The following PIWIL1 variants were observed in gnomAD, a reference collection of about 807,000 sequenced individuals.
PIWIL1 encodes piwi like RNA-mediated gene silencing 1.
Under a neutral mutation model 114.4 loss-of-function variants are expected in PIWIL1, and 73 were observed. The ratio of observed to expected loss-of-function variants is 0.64; its 90% CI spans 0.53 to 0.78. The LOEUF is 0.78. Among genes scored for constraint, PIWIL1 ranks in the 30% least tolerant of loss-of-function variants. PIWIL1 has a pLI of 0.00. For missense variants in PIWIL1, 723 were observed against 1,063.1 expected (o/e 0.68, Z 4.45); for synonymous variants, 375 against 369.0 (o/e 1.02, Z -0.19).
intron 18 of PIWIL1, 108 bp downstream of exon 18, chr12:130,363,252 G>T: frequency 9.0e-7 from 1 of 1,117,158 alleles, no homozygotes; most frequent in South Asian, 1.4e-5. Flanking sequence ...ACTTGATAGG[G>T]ACTGTAGGGC....
At chr12:130,413,503 C>T in the PIWIL1 span, among the ~76,000 whole-genome samples, 2 of 151,814 alleles carry the variant, frequency 1.3e-5, no homozygotes, top group Non-Finnish European at 2.9e-5. Flanking sequence ...TGTGATGGCG[C>T]GCATCTGTGT....
the PIWIL1 span, chr12:130,406,368 C>G: frequency 1.6e-6 from 1 of 636,572 alleles, no homozygotes; most frequent in East Asian, 2.8e-5. Context: ...CTCTTTCAGT[C>G]AAATAAAGGT....
In PIWIL1 at chr12:130,349,320, A is replaced by T. The variant is rs562410961; in HGVS notation, c.816A>T (p.Lys272Asn). 6.2e-7 allele frequency: 1 copy of T among 1,613,906 alleles called. No individual in the cohort carries two copies. The highest frequency in any genetic ancestry group is 8.5e-7 in the Non-Finnish European group (1 of 1,179,784). Residue 272 changes from lysine to asparagine, a missense_variant, in exon 8 of 21, where the codon AAA becomes AAT. Coordinates refer to ENST00000245255, the MANE Select transcript of PIWIL1 (RefSeq NM_004764.5). ...TGCTCTGCACTGACGTTAGCCATAA[A>T]GTCCTTCGAAGTGAGACTGTTTTGG... ...SIMLCTDVSH[K>N]VLRSETVLDF...
the PIWIL1 span, chr12:130,399,868 C>T: frequency 6.3e-7 from 1 of 1,590,282 alleles, no homozygotes; most frequent in Non-Finnish European, 8.6e-7. Flanking sequence ...AAACCCACAT[C>T]TTGCTTTGGC....
downstream of PIWIL1, chr12:130,372,682 T>A (rs1017003474): frequency 7.1e-6 from 1 of 140,498 alleles, no homozygotes; most frequent in African/African-American, 2.7e-5. Context: ...CAGAGTAAAA[T>A]TTTTTAAGGA....
chr12:130,357,398 C>T (rs891331392), intron 13 of PIWIL1, 83 bp from the exon 14 acceptor site: 5 of 995,274 alleles, frequency 5.0e-6, no homozygotes, highest in African/African-American at 1.6e-5. Context: ...GGAAACGTTT[C>T]CTGTGTTACA....
At chr12:130,395,299 T>C in the PIWIL1 span, among the ~76,000 whole-genome samples, 1 of 152,202 alleles carries the variant, frequency 6.6e-6, no homozygotes, top group Admixed American at 6.5e-5. Context: ...TTTTCTCTTA[T>C]CATCACCAGA....
At chr12:130,339,061 G>A (rs1565936453) in intron 1 of PIWIL1, among the ~76,000 whole-genome samples, 2 of 152,014 alleles carry the variant, frequency 1.3e-5, no homozygotes, top group African/African-American at 2.4e-5. Context: ...CGATCTCTGC[G>A]GAGGGCGAGG....
chr12:130,399,810 C>T, the PIWIL1 span: 17 of 1,614,034 alleles, frequency 1.1e-5, no homozygotes, highest in Non-Finnish European at 1.4e-5. Context: ...CCATTCAGCT[C>T]CCCCTAAAAC....
At chr12:130,396,411 A>G in the PIWIL1 span, 7 of 152,672 alleles carry the variant, frequency 4.6e-5, no homozygotes, top group Non-Finnish European at 1.0e-4. Context: ...CAAAAGAGTA[A>G]CCATCAAATA....
At chr12:130,399,544 C>T in the PIWIL1 span, 4 of 976,100 alleles carry the variant, frequency 4.1e-6, no homozygotes, top group Non-Finnish European at 6.0e-6. Context: ...CCCATGGCTT[C>T]AGGGCAGAGA....
chr12:130,377,256 C>T (rs543242814), downstream of PIWIL1, among the ~76,000 whole-genome samples: 16 of 152,300 alleles, frequency 1.1e-4, no homozygotes, highest in South Asian at 1.7e-3. Flanking sequence ...ATTTATTGAA[C>T]GGATAGGTGA....
At chr12:130,390,904 G>A in the PIWIL1 span, among the ~76,000 whole-genome samples, 2 of 152,146 alleles carry the variant, frequency 1.3e-5, no homozygotes, top group South Asian at 2.1e-4. Flanking sequence ...CTCCAGGACC[G>A]GTGCCTGCAC....
rs74472943 is a variant in PIWIL1 at position 130,342,661 on chromosome 12, T to A, written c.70T>A (p.Ser24Thr). 4 of 1,611,654 alleles carry A rather than the reference T, an allele frequency of 2.5e-6. No homozygotes were observed. Among genetic ancestry groups the A allele is most frequent in the Middle Eastern group, 1.6e-4 (1 of 6,076 alleles). The change falls in exon 2 of 21, where the codon TCC (serine) becomes ACC (threonine). Residue 24 changes from serine to threonine, a missense_variant. By Grantham distance (58) the Ser-to-Thr change is moderately conservative. Coordinates refer to ENST00000245255, the MANE Select transcript of PIWIL1 (RefSeq NM_004764.5). Reference sequence around the variant, plus strand: ...TCAGGAGACAGCGCAGCTGGTGGGCTCCACTGCCGTGAGTGCTTCACCGTT... The same window carrying A: ...TCAGGAGACAGCGCAGCTGGTGGGCACCACTGCCGTGAGTGCTTCACCGTT... The part of the protein sequence containing the change: ...RGQETAQLVG[S>T]TASQQPGYIQ...
chr12:130,408,842 G>A, the PIWIL1 span, among the ~76,000 whole-genome samples: 17 of 152,308 alleles, frequency 1.1e-4, no homozygotes, highest in African/African-American at 3.4e-4. Context: ...TAAAGTCAGC[G>A]ATGTGGCTTT....
intron 6 of PIWIL1, among the ~76,000 whole-genome samples, chr12:130,347,470 A>G (rs1303116040): frequency 1.3e-5 from 2 of 152,204 alleles, no homozygotes; most frequent in Non-Finnish European, 2.9e-5. Flanking sequence ...TTTCCTATCC[A>G]AAAGCAAGAC....
Position 130,361,251 on chromosome 12 carries a change from C to A in PIWIL1, c.1737C>A (p.Cys579Ter). Reference sequence around the variant, plus strand: ...TTAAAAAATACCTGTGTACAGATTGCCCTACCCCAAGTCAGTGTGTGGTGG... The same window carrying A: ...TTAAAAAATACCTGTGTACAGATTGACCTACCCCAAGTCAGTGTGTGGTGG... ...DAIKKYLCTD[C>*]PTPSQCVVAR... is the part of the protein sequence containing the mutation. The change falls in exon 15 of 21, where the codon TGC (cysteine) becomes TGA (stop). Residue 579 changes from cysteine to a stop codon, truncating the protein, a stop_gained. Transcript: ENST00000245255. LOFTEE classifies it high-confidence loss of function. 6.2e-7 allele frequency: 1 copy of A among 1,614,118 alleles called. No homozygotes were observed.
At chr12:130,340,660 T>TTGGTGG (rs1181115618) in intron 1 of PIWIL1, among the ~76,000 whole-genome samples, 16 of 94,074 alleles carry the variant, frequency 1.7e-4, no homozygotes, top group African/African-American at 6.0e-4. Context: ...GGGAGGGGGG[T>TTGGTGG]TGGTGGTGGT....
At chr12:130,338,783 G>A (rs2072798834) in intron 1 of PIWIL1, among the ~76,000 whole-genome samples, 2 of 127,862 alleles carry the variant, frequency 1.6e-5, no homozygotes, top group South Asian at 2.8e-4. Context: ...CGGGGGCGAT[G>A]TATCAGGTGT....
Sources: allele counts gnomAD v4.1 joint callset (sites outside exome capture counted in the v4.1 genomes callset), GRCh38; gene constraint gnomAD v4.1.1; transcripts MANE v1.5; gene names NCBI Gene and HGNC (gene_info 2026-07-23, HGNC 2026-07-21).